Variants in KIF11 observed in about 807,000 individuals in gnomAD.
KIF11 encodes kinesin family member 11.
In KIF11, 9 loss-of-function variants were observed where a neutral mutation model predicts 121.0. That is an observed-to-expected ratio of 0.07 (90% CI 0.04 to 0.13). KIF11 has a LOEUF of 0.13. Among genes scored for constraint, KIF11 ranks in the 10% least tolerant of loss-of-function variants. KIF11 has a pLI of 1.00. For synonymous variants in KIF11, 408 were observed against 421.0 expected, an observed-to-expected ratio of 0.97 and a Z score of 0.38; for missense variants, 846 against 1,217.5, an observed-to-expected ratio of 0.69 and a Z score of 4.54.
Position 92,649,820 on chromosome 10 carries a change from T to G in KIF11, c.2771-15T>G. Reference sequence around the variant, plus strand: ...CATACTTTAATTTTTACCTCTTATCTAATGTCCGTTAAAGGTACGACACCA... The same window carrying G: ...CATACTTTAATTTTTACCTCTTATCGAATGTCCGTTAAAGGTACGACACCA... On this transcript the variant is annotated splice_polypyrimidine_tract_variant and intron_variant, in intron 19 of 21. Transcript: ENST00000260731. 6.4e-7 allele frequency: 1 copy of G among 1,561,380 alleles called. No individual in the cohort carries two copies. The highest frequency in any genetic ancestry group is 8.7e-7 in the Non-Finnish European group (1 of 1,143,274).
At chr10:92,644,575 T>A (rs1483177706) in intron 17 of KIF11, among the ~76,000 whole-genome samples, 1 of 152,220 alleles carries the variant, frequency 6.6e-6, no homozygotes, top group East Asian at 1.9e-4. Flanking sequence ...TGCCTCGGCC[T>A]CCCAAAGTGC....
chr10:92,629,844 T>TG (rs1217481982), intron 11 of KIF11, among the ~76,000 whole-genome samples: 4 of 152,104 alleles, frequency 2.6e-5, no homozygotes, highest in African/African-American at 9.7e-5. Context: ...TCTCAAACTA[T>TG]GGGGCTCAAG....
intron 13 of KIF11, among the ~76,000 whole-genome samples, chr10:92,633,231 A>T (rs79635250): frequency 0.01 from 1,595 of 152,244 alleles, 13 homozygotes; most frequent in Non-Finnish European, 0.016. Context: ...ATAAAAATTT[A>T]AAAAATCATC....
intron 19 of KIF11, among the ~76,000 whole-genome samples, chr10:92,649,210 A>G (rs1383649279): frequency 6.6e-6 from 1 of 151,954 alleles, no homozygotes; most frequent in African/African-American, 2.4e-5. Context: ...GACCTGTAGG[A>G]TTTACTGTCT....
chr10:92,600,108 C>G (rs1844352933), intron 1 of KIF11, among the ~76,000 whole-genome samples: 1 of 151,494 alleles, frequency 6.6e-6, no homozygotes, highest in Non-Finnish European at 1.5e-5. Flanking sequence ...CGGGTTCAAG[C>G]AATTCTGTGC....
At position 92,649,931 on chromosome 10, in the gene KIF11, C is replaced by G. The variant is rs911901211; in HGVS notation, c.2867C>G (p.Pro956Arg). The G allele has an allele frequency of 1.2e-6, 2 of 1,612,556 alleles. No homozygotes were observed. The highest frequency in any genetic ancestry group is 2.7e-5 in the African/African-American group (2 of 74,872). ...CTTGATCAGCTGAAAAGGAAACAGC[C>G]TGAGCTGTTAATGATGCTAAACTGT... The part of the protein sequence containing the change: ...HLLDQLKRKQ[P>R]ELLMMLNCSE... The change falls in exon 20 of 22, where the codon CCT (proline) becomes CGT (arginine). Residue 956 changes from proline (P) to arginine (R), a missense_variant. This residue lies in a region of KIF11 where 492 missense variants were observed against 603.4 expected (regional missense o/e 0.82). Transcript: ENST00000260731.
intron 14 of KIF11, among the ~76,000 whole-genome samples, chr10:92,636,002 A>AT (rs61688426): frequency 6.6e-6 from 1 of 151,948 alleles, no homozygotes; most frequent in Non-Finnish European, 1.5e-5. Flanking sequence ...TTAGATCAGG[A>AT]TTTTTTTTCT....
chr10:92,603,894 G>GT (rs991505425), intron 1 of KIF11, among the ~76,000 whole-genome samples: 3 of 152,050 alleles, frequency 2.0e-5, no homozygotes, highest in Non-Finnish European at 4.4e-5. Context: ...GGATTTTGGT[G>GT]TTTTTTTCTT....
intron 3 of KIF11, 124 bp downstream of exon 3, chr10:92,606,840 C>T (rs981700214): frequency 2.3e-5 from 16 of 685,266 alleles, no homozygotes; most frequent in Admixed American, 4.6e-5. Flanking sequence ...TGCAATGGCG[C>T]GATCTCGGCT....
chr10:92,634,778 C>T (rs550075036), intron 14 of KIF11, among the ~76,000 whole-genome samples: 2 of 152,278 alleles, frequency 1.3e-5, no homozygotes, highest in South Asian at 2.1e-4. Flanking sequence ...TTAGTTGGCC[C>T]AGAAATTGGC....
At chr10:92,628,405 A>C (rs1404086219) in intron 10 of KIF11, among the ~76,000 whole-genome samples, 1 of 152,026 alleles carries the variant, frequency 6.6e-6, no homozygotes, top group Admixed American at 6.6e-5. Flanking sequence ...TTTTTCCAGC[A>C]TTCTGTGGGG....
chr10:92,618,643 C>CAAAA (rs369094008), intron 9 of KIF11, among the ~76,000 whole-genome samples: 14,369 of 88,930 alleles, frequency 0.16, 2,141 homozygotes, highest in African/African-American at 0.43. Flanking sequence ...GGCTCTGTCT[C>CAAAA]AAAAAAAAAA....
intron 9 of KIF11, among the ~76,000 whole-genome samples, chr10:92,619,021 T>A (rs1844591294): frequency 1.3e-5 from 2 of 152,034 alleles, no homozygotes; most frequent in Non-Finnish European, 2.9e-5. Flanking sequence ...TTTATTTATT[T>A]ATTTATTTAT....
intron 21 of KIF11, among the ~76,000 whole-genome samples, chr10:92,650,876 A>T (rs1250267963): frequency 6.6e-6 from 1 of 152,074 alleles, no homozygotes; most frequent in Non-Finnish European, 1.5e-5. Flanking sequence ...TCAGACTTTG[A>T]AGGCAAAGTG....
In KIF11 at chr10:92,654,032, C is replaced by T. The variant is rs988399685; in HGVS notation, c.*236C>T. ...AACCTCGTCTCTGTTAAAAATTAGC[C>T]GGGCGTGGTGGCACACTCCTGTAAT... On this transcript the variant is annotated 3_prime_UTR_variant, in exon 22 of 22. Transcript: ENST00000260731. 3.2e-5 allele frequency: 10 copies of T among 317,242 alleles called. No homozygotes were observed. Among genetic ancestry groups the T allele is most frequent in the African/African-American group, 1.3e-4 (6 of 47,042 alleles). The allele number at this position is 317,242 out of a possible 1,614,324, so 19.7% of individuals were successfully genotyped here. A position where few individuals can be genotyped will look rare whatever the true frequency, so the allele number is the denominator to read the frequency against.
intron 1 of KIF11, among the ~76,000 whole-genome samples, chr10:92,595,293 C>T (rs1446528412): frequency 2.0e-5 from 3 of 152,210 alleles, no homozygotes; most frequent in Non-Finnish European, 2.9e-5. Context: ...CTCCTGACCT[C>T]AGAGAATCCA....
intron 18 of KIF11, 66 bp downstream of exon 18, chr10:92,645,708 C>A: frequency 8.2e-7 from 1 of 1,215,790 alleles, no homozygotes; most frequent in Non-Finnish European, 1.2e-6. Flanking sequence ...ATATTCTTGG[C>A]TAAGAATAGA....
intron 10 of KIF11, among the ~76,000 whole-genome samples, chr10:92,626,996 T>G (rs1225813986): frequency 6.6e-6 from 1 of 152,150 alleles, no homozygotes; most frequent in Non-Finnish European, 1.5e-5. Context: ...TCTGCTGACT[T>G]CGTGATCTTC....
intron 21 of KIF11, among the ~76,000 whole-genome samples, chr10:92,653,089 T>C (rs1480983104): frequency 6.6e-6 from 1 of 152,230 alleles, no homozygotes; most frequent in African/African-American, 2.4e-5. Context: ...TAAAAGTGTT[T>C]TTAAGGTGGC....
Sources: allele counts gnomAD v4.1 joint callset (sites outside exome capture counted in the v4.1 genomes callset), GRCh38; gene constraint gnomAD v4.1.1; regional missense constraint gnomAD v4.1.1; transcripts MANE v1.5; gene names NCBI Gene and HGNC (gene_info 2026-07-23, HGNC 2026-07-21).